CDK14: variants seen among roughly 807,000 people sequenced by gnomAD.
The protein encoded by CDK14 is cyclin dependent kinase 14, also known as cyclin-dependent kinase 14.
In CDK14, 34 loss-of-function variants were observed where a neutral mutation model predicts 60.7. The observed-to-expected ratio is 0.56, with a 90% CI of 0.43 to 0.75. CDK14 has a LOEUF of 0.75. Ranked by LOEUF, CDK14 falls within the 30% of genes least tolerant of loss-of-function variation. The pLI is 0.00. For missense variants in CDK14, 482 were observed against 564.1 expected (o/e 0.85, Z 1.47); for synonymous variants, 197 against 203.7 (o/e 0.97, Z 0.28).
intron 14 of CDK14, among the ~76,000 whole-genome samples, chr7:91,172,347 T>C (rs183126195): frequency 1.3e-5 from 2 of 152,318 alleles, no homozygotes; most frequent in East Asian, 3.9e-4. Context: ...ATTTGCCTCC[T>C]AAATATTGTC....
In CDK14 at chr7:91,112,601, A is replaced by G. The variant is rs1359173552; in HGVS notation, c.1214A>G (p.Lys405Arg). The change falls in exon 13 of 15, where the codon AAG becomes AGG. Residue 405 changes from lysine (K) to arginine (R), a missense_variant. Lys to Arg is a conservative substitution (Grantham distance 26). Transcript: ENST00000380050. Reference protein sequence around the residue: ...LASKLLQCSPKNRLSAQAALS... With the variant: ...LASKLLQCSPRNRLSAQAALS... ...TCCAAGCTCCTACAATGTTCCCCAA[A>G]GAACAGACTGTCGGCACAGGCTGCC... 6.2e-7 allele frequency: 1 copy of G among 1,613,886 alleles called. No homozygotes were observed. The highest frequency in any genetic ancestry group is 8.5e-7 in the Non-Finnish European group (1 of 1,179,858).
chr7:90,916,358 C>A (rs1023458851), intron 7 of CDK14, among the ~76,000 whole-genome samples: 3 of 152,214 alleles, frequency 2.0e-5, no homozygotes, highest in Non-Finnish European at 4.4e-5. Flanking sequence ...CTACTTTCTG[C>A]TGCCTAGACT....
At chr7:90,680,983 TTC>T (rs1554433237) in intron 2 of CDK14, among the ~76,000 whole-genome samples, 1 of 152,236 alleles carries the variant, frequency 6.6e-6, no homozygotes, top group Non-Finnish European at 1.5e-5. Context: ...TTTTAATGGA[TTC>T]TGTAAAGAGA....
At chr7:91,086,288 A>G (rs895230590) in intron 12 of CDK14, among the ~76,000 whole-genome samples, 1 of 152,172 alleles carries the variant, frequency 6.6e-6, no homozygotes, top group African/African-American at 2.4e-5. Flanking sequence ...TGGAAATATC[A>G]AAGAACATCA....
rs779463773 is a variant in CDK14, at chr7:90,955,782, A to G, written c.912A>G (p.Leu304=). ...GGTACAGACCTCCAGATGTCCTTCTAGGCTCAACAGAATATTCCACCTGCC... is the reference window on the plus strand; with the variant it reads ...GGTACAGACCTCCAGATGTCCTTCTGGGCTCAACAGAATATTCCACCTGCC... The part of the protein sequence containing the change: ...TLWYRPPDVL[L]GSTEYSTCLD... The change falls in exon 9 of 15, where the codon CTA becomes CTG. Residue 304 remains leucine, a synonymous_variant. Transcript: ENST00000380050. The G allele has an allele frequency of 2.5e-6, 4 of 1,613,294 alleles. No homozygotes were observed. The African/African-American group carries it at 5.3e-5, about 22-fold the overall frequency.
chr7:91,009,946 A>C (rs1796101894), intron 10 of CDK14, among the ~76,000 whole-genome samples: 1 of 151,998 alleles, frequency 6.6e-6, no homozygotes, highest in Non-Finnish European at 1.5e-5. Flanking sequence ...TTTTTAGTTA[A>C]TTTTTGTTTA....
intron 8 of CDK14, among the ~76,000 whole-genome samples, chr7:90,947,111 C>A (rs1327800666): frequency 6.6e-6 from 1 of 152,188 alleles, no homozygotes; most frequent in Non-Finnish European, 1.5e-5. Context: ...GTCTGATTAT[C>A]TGGAGGCTCT....
intron 4 of CDK14, among the ~76,000 whole-genome samples, chr7:90,750,424 A>G (rs1049709717): frequency 3.3e-5 from 5 of 152,208 alleles, no homozygotes; most frequent in African/African-American, 9.6e-5. Context: ...AATTGAAAGC[A>G]TGGATTACAA....
intron 11 of CDK14, among the ~76,000 whole-genome samples, chr7:91,050,522 ATCT>A (rs1338887945): frequency 1.3e-5 from 2 of 152,120 alleles, no homozygotes; most frequent in Non-Finnish European, 2.9e-5. Context: ...TAACCTGTAT[ATCT>A]TCTTCTGTGC....
At chr7:91,193,544 T>G (rs569445609) in intron 14 of CDK14, among the ~76,000 whole-genome samples, 5 of 152,238 alleles carry the variant, frequency 3.3e-5, no homozygotes, top group African/African-American at 1.2e-4. Context: ...TTATAACATT[T>G]AGAGTCCATA....
intron 1 of CDK14, among the ~76,000 whole-genome samples, chr7:90,596,928 T>C (rs1297980524): frequency 6.6e-6 from 1 of 152,064 alleles, no homozygotes; most frequent in Non-Finnish European, 1.5e-5. Flanking sequence ...GGGGTTCATT[T>C]GTAGATTCTC....
At chr7:90,963,406 C>T (rs1347017568) in intron 9 of CDK14, among the ~76,000 whole-genome samples, 2 of 151,422 alleles carry the variant, frequency 1.3e-5, no homozygotes, top group Non-Finnish European at 2.9e-5. Flanking sequence ...AAGAGTGAGA[C>T]CTACAAAAAT....
At chr7:90,898,596 A>G (rs1584101965) in intron 6 of CDK14, among the ~76,000 whole-genome samples, 3 of 152,092 alleles carry the variant, frequency 2.0e-5, no homozygotes, top group South Asian at 4.1e-4. Flanking sequence ...AAAATTATAT[A>G]TAGTTTATGA....
rs568507968 is a variant in CDK14 at position 90,983,488 on chromosome 7, G to A, written c.948-660G>A. ...AGGTCAGGAGATCGCGACCATCCTGGCTAACACGGTGAAACCCCGTCTCTA... is the reference window on the plus strand; with the variant it reads ...AGGTCAGGAGATCGCGACCATCCTGACTAACACGGTGAAACCCCGTCTCTA... On this transcript the variant is annotated intron_variant, in intron 9 of 14. Coordinates refer to ENST00000380050, the MANE Select transcript of CDK14 (RefSeq NM_001287135.2). Among the ~76,000 whole-genome samples, 5 of 152,168 alleles carry A rather than the reference G, an allele frequency of 3.3e-5. No homozygotes were observed. The East Asian group carries it at 9.7e-4, about 30-fold the overall frequency.
rs71107809 is a variant in CDK14, at chr7:91,179,505, T to TAA, written c.*29-27649_*29-27648dup. 5.4e-4 allele frequency among the ~76,000 whole-genome samples: 80 copies of TAA among 147,528 alleles called. 2 individuals carry two copies. The highest frequency in any genetic ancestry group is 3.5e-3 in the Middle Eastern group (1 of 282). ...TGTACCCTAAAACTTAAAGTATAAT[T>TAA]AAAAAAAAAAAATGCAGCCCGGCGC... On this transcript the variant is annotated intron_variant, in intron 14 of 14. Coordinates refer to ENST00000380050, the MANE Select transcript of CDK14 (RefSeq NM_001287135.2).
intron 4 of CDK14, among the ~76,000 whole-genome samples, chr7:90,765,002 G>A (rs1229410455): frequency 1.3e-5 from 2 of 152,226 alleles, no homozygotes; most frequent in African/African-American, 4.8e-5. Context: ...ACAGGAGAGT[G>A]AATTCTCATG....
intron 2 of CDK14, among the ~76,000 whole-genome samples, chr7:90,638,769 A>G (rs1171389248): frequency 6.6e-6 from 1 of 152,146 alleles, no homozygotes; most frequent in Non-Finnish European, 1.5e-5. Context: ...CAGGTACACC[A>G]ATCAGACGTA....
At chr7:90,956,813 A>G (rs967083893) in intron 9 of CDK14, among the ~76,000 whole-genome samples, 2 of 129,268 alleles carry the variant, frequency 1.5e-5, no homozygotes, top group African/African-American at 3.0e-5. Flanking sequence ...CCCTTCCTGC[A>G]TCCATGTGTT....
chr7:90,640,858 G>T (rs1038874112), intron 2 of CDK14, among the ~76,000 whole-genome samples: 1 of 152,020 alleles, frequency 6.6e-6, no homozygotes, highest in Admixed American at 6.6e-5. Flanking sequence ...CCTGATAAGG[G>T]ACTGGTATCC....
Sources: allele counts gnomAD v4.1 joint callset (sites outside exome capture counted in the v4.1 genomes callset), GRCh38; gene constraint gnomAD v4.1.1; transcripts MANE v1.5; gene names NCBI Gene and HGNC (gene_info 2026-07-23, HGNC 2026-07-21).